TPP2: variants seen among roughly 807,000 people sequenced by gnomAD.
TPP2 encodes the protein tripeptidyl peptidase 2, also known as tripeptidyl-peptidase 2.
A neutral mutation model predicts 155.9 loss-of-function variants in TPP2; 34 were observed. The ratio of observed to expected loss-of-function variants is 0.22; its 90% confidence interval spans 0.17 to 0.29. TPP2 has a LOEUF of 0.29. Ranked by LOEUF, TPP2 falls within the 10% of genes least tolerant of loss-of-function variation. The pLI, the probability that TPP2 is intolerant of heterozygous loss-of-function variation, is 1.00. For synonymous variants in TPP2, 510 were observed against 529.4 expected, an observed-to-expected ratio of 0.96 and a Z score of 0.50; for missense variants, 1,028 against 1,522.3, an observed-to-expected ratio of 0.68 and a Z score of 5.40.
intron 10 of TPP2, among the ~76,000 whole-genome samples, chr13:102,633,612 AG>A (rs1882167334): frequency 6.6e-6 from 1 of 152,204 alleles, no homozygotes; most frequent in South Asian, 2.1e-4. Flanking sequence ...TACAGATAAG[AG>A]AGATGTACAC....
chr13:102,604,793 G>A lies in TPP2; in HGVS notation c.166G>A (p.Val56Ile), dbSNP rs1334374452. 2.5e-6 allele frequency: 4 copies of A among 1,608,542 alleles called. No individual in the cohort carries two copies. Among genetic ancestry groups the A allele is most frequent in the Non-Finnish European group, 3.4e-6 (4 of 1,178,748 alleles). ...ATATTTTAATTTTCTTAATTTTCAG[G>A]TTACAACTGATGGAAAACCAAAAAT... The part of the protein sequence containing the change: ...GVDPGAPGMQ[V>I]TTDGKPKIVD... Residue 56 changes from valine to isoleucine, a missense_variant and splice_region_variant, in exon 2 of 30, where the codon GTT (valine) becomes ATT (isoleucine). Physicochemically the swap from Val to Ile is conservative, Grantham distance 29 (BLOSUM62 3). Transcript: ENST00000376052.
intron 18 of TPP2, 38 bp downstream of exon 18, chr13:102,644,711 T>C (rs1882988180): frequency 5.9e-6 from 9 of 1,527,806 alleles, no homozygotes; most frequent in Non-Finnish European, 8.1e-6. Context: ...TTAATGTCAG[T>C]TACTTGTGTT....
chr13:102,625,746 A>G (rs1308013857), intron 6 of TPP2, among the ~76,000 whole-genome samples: 2 of 152,256 alleles, frequency 1.3e-5, no homozygotes, highest in Non-Finnish European at 2.9e-5. Flanking sequence ...GAGGAGTCTC[A>G]GCATTGCTGC....
chr13:102,598,922 A>T (rs1879212495), intron 1 of TPP2, among the ~76,000 whole-genome samples: 1 of 152,216 alleles, frequency 6.6e-6, no homozygotes, highest in Non-Finnish European at 1.5e-5. Flanking sequence ...CTATTTTGGC[A>T]ATGATATTTA....
At chr13:102,637,714 C>T (rs772979137) in intron 14 of TPP2, among the ~76,000 whole-genome samples, 12 of 152,116 alleles carry the variant, frequency 7.9e-5, no homozygotes, top group Non-Finnish European at 1.8e-4. Context: ...CCAAGCCTGG[C>T]TAAATTTTTT....
chr13:102,635,457 G>T, intron 11 of TPP2, 130 bp from the exon 12 acceptor site: 1 of 604,478 alleles, frequency 1.7e-6, no homozygotes. Flanking sequence ...CTTCAAAAAA[G>T]ATTTTAAAAT....
chr13:102,678,037 GAAAGTTGGTTGATAGTAAGA>G (rs1344156521), intron 29 of TPP2, among the ~76,000 whole-genome samples, 170 bp from the exon 30 acceptor site: 1 of 151,866 alleles, frequency 6.6e-6, no homozygotes, highest in Admixed American at 6.6e-5. Context: ...TGGTTGGTAG[GAAAGTTGGTTGATAGTAAGA>G]AAAGTTGGTT....
At chr13:102,643,102 T>G in intron 16 of TPP2, 120 bp from the exon 17 acceptor site, 1 of 856,352 alleles carries the variant, frequency 1.2e-6, no homozygotes, top group African/African-American at 1.8e-5. Flanking sequence ...TACATTTTAT[T>G]TTTGATCCCT....
rs1014777270 is a variant in TPP2 at position 102,627,719 on chromosome 13, C to CT, written c.940-128dup. The CT allele has an allele frequency of 1.1e-5, 7 of 647,122 alleles. No homozygotes were observed. The African/African-American group carries it at 1.3e-4, about 12-fold the overall frequency. 40.1% of individuals were successfully genotyped at this position (647,122 alleles called of 1,614,324 possible). A position where few individuals can be genotyped will look rare whatever the true frequency, so the allele number is the denominator to read the frequency against. On this transcript the variant is annotated intron_variant, in intron 7 of 29. Coordinates refer to ENST00000376052, the MANE Select transcript of TPP2 (RefSeq NM_001330588.2). Reference sequence around the variant, plus strand: ...TATGTCCAGGTATATGGTGATATGCCTGGAGGTAACTTATAAATTAGAATA... The same window carrying CT: ...TATGTCCAGGTATATGGTGATATGCCTTGGAGGTAACTTATAAATTAGAATA...
chr13:102,643,935 G>T (rs929525819), intron 17 of TPP2, among the ~76,000 whole-genome samples: 1 of 152,202 alleles, frequency 6.6e-6, no homozygotes, highest in Non-Finnish European at 1.5e-5. Flanking sequence ...GATTTTCCCA[G>T]TATCTCTTGG....
At chr13:102,610,813 A>G (rs1190799708) in intron 2 of TPP2, among the ~76,000 whole-genome samples, 1 of 147,408 alleles carries the variant, frequency 6.8e-6, no homozygotes, top group East Asian at 1.9e-4. Flanking sequence ...TAAAATACAT[A>G]AAACACATAT....
chr13:102,628,326 A>G (rs73578873), intron 8 of TPP2, among the ~76,000 whole-genome samples: 23,222 of 152,108 alleles, frequency 0.15, 2,170 homozygotes, highest in African/African-American at 0.27. Flanking sequence ...AGATCTGACA[A>G]TCTGTCTATC....
At chr13:102,635,497 G>T in intron 11 of TPP2, 90 bp from the exon 12 acceptor site, 1 of 827,290 alleles carries the variant, frequency 1.2e-6, no homozygotes. Context: ...ATTAACACCA[G>T]AGGGTCTACA....
rs1885179110 is a variant in TPP2 at position 102,674,521 on chromosome 13, T to A, written c.3579+31T>A. The A allele has an allele frequency of 1.9e-6, 3 of 1,610,212 alleles. No homozygotes were observed. In the East Asian group the frequency reaches 6.7e-5, roughly 36 times the overall value. On this transcript the variant is annotated intron_variant, in intron 28 of 29. Coordinates refer to ENST00000376052, the MANE Select transcript of TPP2 (RefSeq NM_001330588.2). The stretch of plus-strand genomic sequence containing the variant: ...GTTTCTGCTTCTTGTTTCAGCAAAG[T>A]TCTTGGGGTTACCTCACAGACCTCT...
chr13:102,605,728 C>CT (rs71125079), intron 2 of TPP2, among the ~76,000 whole-genome samples: 35,442 of 135,856 alleles, frequency 0.26, 4,672 homozygotes, highest in Non-Finnish European at 0.3. Flanking sequence ...TTCTTTTTTT[C>CT]TTTTTTTTTT....
At chr13:102,666,479 C>A (rs1389235123) in intron 27 of TPP2, among the ~76,000 whole-genome samples, 9 of 152,204 alleles carry the variant, frequency 5.9e-5, no homozygotes, top group Non-Finnish European at 1.2e-4. Flanking sequence ...TTCCACAGAT[C>A]ACCAGTGATA....
At chr13:102,664,311 G>A (rs1884444680) in intron 26 of TPP2, among the ~76,000 whole-genome samples, 1 of 152,176 alleles carries the variant, frequency 6.6e-6, no homozygotes, top group Non-Finnish European at 1.5e-5. Context: ...GGTAATCACA[G>A]TTAGACTGTT....
chr13:102,646,208 T>G, intron 19 of TPP2, 86 bp from the exon 20 acceptor site: 1 of 1,050,270 alleles, frequency 9.5e-7, no homozygotes, highest in East Asian at 2.6e-5. Flanking sequence ...TTTTGCAATA[T>G]GTTACAGATT....
chr13:102,648,785 G>A lies in TPP2; in HGVS notation c.2629-122G>A, dbSNP rs1462011993. The A allele has an allele frequency of 2.3e-6, 3 of 1,317,464 alleles. No homozygotes were observed. The African/African-American group carries it at 4.5e-5, about 20-fold the overall frequency. The allele number at this position is 1,317,464 out of a possible 1,614,324, so 81.6% of individuals were successfully genotyped here. A position where few individuals can be genotyped will look rare whatever the true frequency, so the allele number is the denominator to read the frequency against. ...TGAACGTCTGGATAGTTAGTTCCTTGCACTGTACCTCACATATTATGAACA... is the reference window on the plus strand; with the variant it reads ...TGAACGTCTGGATAGTTAGTTCCTTACACTGTACCTCACATATTATGAACA... On this transcript the variant is annotated intron_variant, in intron 21 of 29. Coordinates refer to ENST00000376052, the MANE Select transcript of TPP2 (RefSeq NM_001330588.2).
Sources: allele counts gnomAD v4.1 joint callset (sites outside exome capture counted in the v4.1 genomes callset), GRCh38; gene constraint gnomAD v4.1.1; transcripts MANE v1.5; gene names NCBI Gene and HGNC (gene_info 2026-07-23, HGNC 2026-07-21).